The following PCCB variants were observed in gnomAD, a reference collection of about 807,000 sequenced individuals.
PCCB encodes propionyl-CoA carboxylase subunit beta, also known as propionyl-CoA carboxylase beta chain, mitochondrial.
In PCCB, 43 loss-of-function variants were observed where a neutral mutation model predicts 60.7. The ratio of observed to expected loss-of-function variants is 0.71; its 90% CI spans 0.55 to 0.91. PCCB has a LOEUF of 0.91. PCCB is among the 40% of genes least tolerant of loss of function. The probability of loss-of-function intolerance (pLI) is 0.00; values close to 1 mark genes in which losing one functional copy is unlikely to be tolerated. For synonymous variants in PCCB, 276 were observed against 255.9 expected, an observed-to-expected ratio of 1.08 and a Z score of -0.75; for missense variants, 766 against 702.8, an observed-to-expected ratio of 1.09 and a Z score of -1.02.
intron 1 of PCCB, among the ~76,000 whole-genome samples, chr3:136,251,955 G>A (rs1381427094): frequency 6.6e-6 from 1 of 151,504 alleles, no homozygotes; most frequent in Non-Finnish European, 1.5e-5. Context: ...TTGGCTCATT[G>A]CAACCTCTGC....
intron 7 of PCCB, among the ~76,000 whole-genome samples, chr3:136,294,291 T>C (rs1933837269): frequency 6.6e-6 from 1 of 152,142 alleles, no homozygotes; most frequent in South Asian, 2.1e-4. Flanking sequence ...ATATCATGTG[T>C]TGATGAATTT....
At chr3:136,253,380 CACAT>C (rs1941576246) in intron 1 of PCCB, among the ~76,000 whole-genome samples, 1 of 150,982 alleles carries the variant, frequency 6.6e-6, no homozygotes. Context: ...TGAGCCACTG[CACAT>C]GGCCTCTTTT....
chr3:136,326,770 G>T, intron 10 of PCCB, 33 bp from the exon 11 acceptor site: 2 of 1,387,680 alleles, frequency 1.4e-6, no homozygotes, highest in Non-Finnish European at 2.1e-6. Context: ...GAATTGCCTG[G>T]ATACTCAGTA....
chr3:136,287,535 T>C (rs1207204341), intron 6 of PCCB, among the ~76,000 whole-genome samples: 1 of 151,970 alleles, frequency 6.6e-6, no homozygotes, highest in Non-Finnish European at 1.5e-5. Context: ...TCGGTTTAAG[T>C]GATTCTCACA....
At chr3:136,286,747 C>T (rs1269138517) in intron 6 of PCCB, among the ~76,000 whole-genome samples, 1 of 152,162 alleles carries the variant, frequency 6.6e-6, no homozygotes, top group East Asian at 1.9e-4. Flanking sequence ...ACTGGTCTCC[C>T]TGCTTCTGAA....
intron 7 of PCCB, among the ~76,000 whole-genome samples, chr3:136,295,768 C>T (rs1171009370): frequency 6.6e-6 from 1 of 151,940 alleles, no homozygotes; most frequent in Admixed American, 6.6e-5. Context: ...TCTTTTCACG[C>T]ACATGAGCGT....
intron 9 of PCCB, among the ~76,000 whole-genome samples, chr3:136,310,544 A>G (rs1448549548): frequency 6.6e-6 from 1 of 152,200 alleles, no homozygotes; most frequent in Non-Finnish European, 1.5e-5. Flanking sequence ...ACCAGGCCCA[A>G]ATAGTTTCAT....
Position 136,256,623 on chromosome 3 carries a change from G to A in PCCB, c.372G>A (p.Gln124=). 1.2e-6 allele frequency: 2 copies of A among 1,604,002 alleles called. No homozygotes were observed. Among genetic ancestry groups the A allele is most frequent in the Non-Finnish European group, 1.7e-6 (2 of 1,170,820 alleles). ...GAAGATTGGTTTATGTCTTCAGTCA[G>A]GTATTTCATAACTCCAATAGTCTGA... ...INGRLVYVFS[Q]DFTVFGGSLS... Residue 124 remains glutamine, a splice_region_variant and synonymous_variant, in exon 3 of 15, where the codon CAG becomes CAA. Coordinates refer to ENST00000251654, the MANE Select transcript of PCCB (RefSeq NM_000532.5).
At chr3:136,269,910 A>AGAGTG (rs1376734711) in intron 5 of PCCB, among the ~76,000 whole-genome samples, 12 of 150,328 alleles carry the variant, frequency 8.0e-5, no homozygotes, top group African/African-American at 2.9e-4. Context: ...AAAAAAAATA[A>AGAGTG]GAGTGGACAT....
At chr3:136,313,567 A>T (rs1934753291) in intron 9 of PCCB, among the ~76,000 whole-genome samples, 1 of 152,230 alleles carries the variant, frequency 6.6e-6, no homozygotes. Context: ...TAATGAGATT[A>T]ATAACAGGGT....
chr3:136,250,554 A>C lies in PCCB; in HGVS notation c.179A>C (p.Lys60Thr), dbSNP rs745829924. The change falls in exon 1 of 15, where the codon AAG (lysine) becomes ACG (threonine). Residue 60 changes from lysine to threonine, a missense_variant. Lys to Thr is a moderately conservative substitution (Grantham distance 78, BLOSUM62 -1). Coordinates refer to ENST00000251654, the MANE Select transcript of PCCB (RefSeq NM_000532.5). Reference sequence around the variant, plus strand: ...CAACGCCGTATTGACGCGCAGCACAAGCGAGTGAGTCCTGAGGGGCCTAAG... The same window carrying C: ...CAACGCCGTATTGACGCGCAGCACACGCGAGTGAGTCCTGAGGGGCCTAAG... ...GGQRRIDAQH[K>T]RGKLTARERI... 2 of 1,611,916 alleles carry C rather than the reference A, an allele frequency of 1.2e-6. No homozygotes were observed. Among genetic ancestry groups the C allele is most frequent in the Non-Finnish European group, 1.7e-6 (2 of 1,179,502 alleles).
At chr3:136,326,119 T>G (rs1487274337) in intron 10 of PCCB, among the ~76,000 whole-genome samples, 1 of 152,186 alleles carries the variant, frequency 6.6e-6, no homozygotes, top group African/African-American at 2.4e-5. Flanking sequence ...GCCTACTGTT[T>G]TTGTATATAT....
rs778118663 is a variant in PCCB at position 136,301,057 on chromosome 3, A to G, written c.912A>G (p.Thr304=). The G allele has an allele frequency of 6.2e-7, 1 of 1,614,024 alleles. No individual in the cohort carries two copies. Among genetic ancestry groups the G allele is most frequent in the Admixed American group, 1.7e-5 (1 of 60,002 alleles). The change falls in exon 9 of 15, where the codon ACA becomes ACG. Residue 304 remains threonine (T), a synonymous_variant. Transcript: ENST00000251654. The part of the protein sequence containing the change: ...PSDRLVPELD[T]IVPLESTKAY... ...ACCGTCTGGTTCCTGAGCTTGACAC[A>G]ATTGTCCCTTTGGAATCAACCAAAG...
chr3:136,297,823 G>A (rs1934003422), intron 7 of PCCB, 129 bp from the exon 8 acceptor site: 11 of 949,908 alleles, frequency 1.2e-5, no homozygotes, highest in Non-Finnish European at 1.7e-5. Context: ...TCAGTGGAGG[G>A]TGCAGAGAAC....
chr3:136,270,118 G>C (rs1377569914), intron 5 of PCCB, among the ~76,000 whole-genome samples: 2 of 151,676 alleles, frequency 1.3e-5, no homozygotes, highest in Admixed American at 1.3e-4. Context: ...GCATCTGTGA[G>C]ATAATCATGT....
At chr3:136,314,355 AAATG>A (rs1444205139) in intron 9 of PCCB, among the ~76,000 whole-genome samples, 1 of 152,214 alleles carries the variant, frequency 6.6e-6, no homozygotes, top group Non-Finnish European at 1.5e-5. Flanking sequence ...GTCAGCTAAT[AAATG>A]GAGAAGAAAA....
intron 9 of PCCB, among the ~76,000 whole-genome samples, chr3:136,313,182 C>T (rs1379680915): frequency 1.3e-5 from 2 of 152,190 alleles, no homozygotes; most frequent in Non-Finnish European, 2.9e-5. Context: ...AGCATTTGCC[C>T]TTTAACTCAG....
chr3:136,268,059 TGTGTGC>T (rs1942056170), intron 5 of PCCB, among the ~76,000 whole-genome samples: 1 of 94,296 alleles, frequency 1.1e-5, no homozygotes, highest in African/African-American at 3.4e-5. Flanking sequence ...AGTGTGTGTG[TGTGTGC>T]GTGTGTGTGT....
At chr3:136,306,853 A>T (rs1037977947) in intron 9 of PCCB, among the ~76,000 whole-genome samples, 1 of 122,890 alleles carries the variant, frequency 8.1e-6, no homozygotes, top group Non-Finnish European at 1.8e-5. Context: ...ATAGTCCAGA[A>T]ATAAAATAAG....
Sources: gnomAD v4.1 joint callset for allele counts (sites outside exome capture counted in the v4.1 genomes callset) on GRCh38, gnomAD v4.1.1 for gene constraint, MANE v1.5 for transcripts, NCBI Gene and HGNC (gene_info 2026-07-23, HGNC 2026-07-21) for gene names.